Variants in LILRB1 observed in about 807,000 individuals in gnomAD.
LILRB1 encodes leukocyte immunoglobulin like receptor B1, also known as leukocyte immunoglobulin-like receptor subfamily B member 1.
In LILRB1, 59 loss-of-function variants were observed where a neutral mutation model predicts 74.6. That is an observed-to-expected ratio of 0.79 (90% CI 0.64 to 0.98). The LOEUF (loss-of-function observed/expected upper bound fraction) is 0.98, where lower values mean the gene tolerates loss of function less well. Among genes scored for constraint, LILRB1 ranks in the 50% least tolerant of loss-of-function variants. LILRB1 has a pLI of 0.00. For synonymous variants in LILRB1, 328 were observed against 333.9 expected (o/e 0.98, Z 0.19); for missense variants, 804 against 822.6 (o/e 0.98, Z 0.28).
Position 54,633,294 on chromosome 19 carries a change from G to A in LILRB1, c.1237G>A (p.Asp413Asn). 6.2e-7 allele frequency: 1 copy of A among 1,614,052 alleles called. No individual in the cohort carries two copies. Residue 413 changes from aspartate (D) to asparagine (N), a missense_variant, in exon 7 of 15, where the codon GAC (aspartate) becomes AAC (asparagine). Physicochemically the swap from Asp to Asn is conservative, Grantham distance 23. Coordinates refer to ENST00000324602, the MANE Select transcript of LILRB1 (RefSeq NM_001081637.3). ...SKPYLLTHPSDPLELVVSGPS... is the reference protein window; with the variant it reads ...SKPYLLTHPSNPLELVVSGPS... Reference sequence around the variant, plus strand: ...ACCCTACCTGCTGACTCACCCCAGTGACCCCCTGGAGCTCGTGGTCTCAGG... The same window carrying A: ...ACCCTACCTGCTGACTCACCCCAGTAACCCCCTGGAGCTCGTGGTCTCAGG...
chr19:54,619,686 A>T (rs1007711754), intron 1 of LILRB1, among the ~76,000 whole-genome samples: 2 of 152,114 alleles, frequency 1.3e-5, no homozygotes, highest in Non-Finnish European at 2.9e-5. Flanking sequence ...AGAAAAATGA[A>T]ATATCCTTTA....
Position 54,634,021 on chromosome 19 carries a change from G to A in LILRB1, c.1363G>A (p.Gly455Ser), listed in dbSNP as rs200980213. Residue 455 changes from glycine (G) to serine (S), a missense_variant and splice_region_variant, in exon 9 of 15, where the codon GGT (glycine) becomes AGT (serine). Coordinates refer to ENST00000324602, the MANE Select transcript of LILRB1 (RefSeq NM_001081637.3). ...LTPTGSDPQS[G>S]LGRHLGVVIG... is the part of the protein sequence containing the mutation. ...CCCCACCGGGTCGGATCCCCAGAGT[G>A]GTGAGTGACGGGCTCTGAGTGGGAG... 1.1e-5 allele frequency: 18 copies of A among 1,594,708 alleles called. 1 individual carries two copies. The South Asian group carries it at 1.1e-4, about 10-fold the overall frequency.
chr19:54,634,170 G>A (rs948362956), intron 9 of LILRB1, 149 bp downstream of exon 9: 94 of 1,511,438 alleles, frequency 6.2e-5, no homozygotes, highest in Non-Finnish European at 1.2e-5. Flanking sequence ...AAAGGTGAGA[G>A]GCCTGCGGGT....
chr19:54,633,334 C>T lies in LILRB1; in HGVS notation c.1261+16C>T, dbSNP rs1250497596. Reference sequence around the variant, plus strand: ...GTGGTCTCAGGTGGGGGCCTTGACCCTGTCCTCTCTGAGCTCAAAGTCTCA... The same window carrying T: ...GTGGTCTCAGGTGGGGGCCTTGACCTTGTCCTCTCTGAGCTCAAAGTCTCA... On this transcript the variant is annotated intron_variant, in intron 7 of 14. Coordinates refer to ENST00000324602, the MANE Select transcript of LILRB1 (RefSeq NM_001081637.3). The T allele has an allele frequency of 2.5e-6, 4 of 1,608,658 alleles. No homozygotes were observed. The highest frequency in any genetic ancestry group is 3.4e-6 in the Non-Finnish European group (4 of 1,176,694).
At chr19:54,622,731 G>C (rs767796439) in intron 1 of LILRB1, among the ~76,000 whole-genome samples, 11 of 152,120 alleles carry the variant, frequency 7.2e-5, no homozygotes, top group Non-Finnish European at 1.3e-4. Flanking sequence ...GGTGAGAGTG[G>C]ACATCCTTAT....
chr19:54,630,220 TC>T (rs1568575387), upstream of LILRB1, among the ~76,000 whole-genome samples: 1 of 131,880 alleles, frequency 7.6e-6, no homozygotes, highest in African/African-American at 2.9e-5. Context: ...TAAATATAAC[TC>T]CCCCCCAACT....
chr19:54,630,474 C>T (rs544786725), upstream of LILRB1: 2 of 397,252 alleles, frequency 5.0e-6, no homozygotes, highest in East Asian at 1.4e-4. Context: ...CTTTTCTTCC[C>T]TATTTCCCTG....
rs963774835 is a variant in LILRB1, at chr19:54,637,168, T to C, written c.*290T>C. 1.3e-5 allele frequency: 5 copies of C among 396,436 alleles called. No individual in the cohort carries two copies. The highest frequency in any genetic ancestry group is 1.0e-4 in the African/African-American group (5 of 49,606). 24.6% of individuals were successfully genotyped at this position (396,436 alleles called of 1,614,324 possible). Reference sequence around the variant, plus strand: ...ACATCAAGCGATGAAACTGGAAAACTACAAGCCACGAATGAATGAATTAGG... The same window carrying C: ...ACATCAAGCGATGAAACTGGAAAACCACAAGCCACGAATGAATGAATTAGG... On this transcript the variant is annotated 3_prime_UTR_variant, in exon 15 of 15. Transcript: ENST00000324602.
chr19:54,617,589 G>GTGT (rs58534340), intron 1 of LILRB1, among the ~76,000 whole-genome samples: 1 of 127,384 alleles, frequency 7.9e-6, no homozygotes, highest in Non-Finnish European at 1.7e-5. Context: ...GTGTGTGTGT[G>GTGT]GTGTGTGTGT....
intron 8 of LILRB1, 92 bp from the exon 9 acceptor site, chr19:54,633,879 G>A (rs1160219955): frequency 9.9e-6 from 15 of 1,515,060 alleles, no homozygotes; most frequent in Non-Finnish European, 1.2e-5. Context: ...TCAAGGCAGA[G>A]AGAAATGTTG....
At chr19:54,626,883 C>T (rs1181845981), upstream of LILRB1, among the ~76,000 whole-genome samples, 2 of 152,176 alleles carry the variant, frequency 1.3e-5, no homozygotes, top group South Asian at 2.1e-4. Flanking sequence ...GTGTTCTGTC[C>T]GGCATGGTGG....
Position 54,637,177 on chromosome 19 carries a change from C to A in LILRB1, c.*299C>A, listed in dbSNP as rs117672635. 5.4e-6 allele frequency: 2 copies of A among 371,090 alleles called. No homozygotes were observed. Among genetic ancestry groups the A allele is most frequent in the Non-Finnish European group, 9.7e-6 (2 of 207,006 alleles). The allele number at this position is 371,090 out of a possible 1,614,324, so 23.0% of individuals were successfully genotyped here. A position where few individuals can be genotyped will look rare whatever the true frequency, so the allele number is the denominator to read the frequency against. On this transcript the variant is annotated 3_prime_UTR_variant, in exon 15 of 15. Transcript: ENST00000324602. ...GATGAAACTGGAAAACTACAAGCCA[C>A]GAATGAATGAATTAGGAAAGAAAAA... is the stretch of plus-strand genomic sequence containing the variant.
At chr19:54,619,809 A>T (rs272417) in intron 1 of LILRB1, among the ~76,000 whole-genome samples, 7,244 of 151,976 alleles carry the variant, frequency 0.048, 248 homozygotes, top group Admixed American at 0.092. Context: ...TGTCTTTTTT[A>T]AAAAAAAGTA....
chr19:54,616,363 T>C (rs2063314171), upstream of LILRB1, among the ~76,000 whole-genome samples: 1 of 152,172 alleles, frequency 6.6e-6, no homozygotes, highest in African/African-American at 2.4e-5. Context: ...TCACTCATAT[T>C]TGGCTCAGAA....
chr19:54,636,671 A>T lies in LILRB1; in HGVS notation c.1812+19A>T. On this transcript the variant is annotated intron_variant, in intron 14 of 14. Transcript: ENST00000324602. The stretch of plus-strand genomic sequence containing the variant: ...CACTGAGGTGAGTCCTTTCCTCTCC[A>T]GGCCCCCAGGCCTCCCCCACCCCCA... The T allele has an allele frequency of 1.2e-6, 2 of 1,603,012 alleles. No individual in the cohort carries two copies. Among genetic ancestry groups the T allele is most frequent in the Non-Finnish European group, 1.7e-6 (2 of 1,174,732 alleles).
chr19:54,634,543 G>T, intron 9 of LILRB1, 98 bp from the exon 10 acceptor site: 2 of 1,518,510 alleles, frequency 1.3e-6, no homozygotes, highest in Admixed American at 2.0e-5. Flanking sequence ...CTGTTGTGGG[G>T]GTTGGAGGTG....
chr19:54,632,875 G>A, intron 6 of LILRB1, 115 bp downstream of exon 6: 3 of 1,331,266 alleles, frequency 2.3e-6, no homozygotes, highest in Non-Finnish European at 3.1e-6. Flanking sequence ...GGGAGAGACA[G>A]ACAGAGACAG....
intron 1 of LILRB1, among the ~76,000 whole-genome samples, chr19:54,623,965 A>G (rs1005229735): frequency 8.5e-5 from 13 of 152,146 alleles, no homozygotes; most frequent in African/African-American, 2.4e-4. Flanking sequence ...TGCAGCTCAA[A>G]TTGCAGGCCA....
rs2081658 is a variant in LILRB1 at position 54,634,030 on chromosome 19, C to G, written c.1363+9C>G. ...GTCGGATCCCCAGAGTGGTGAGTGACGGGCTCTGAGTGGGAGGTGGGCAGG... is the reference window on the plus strand; with the variant it reads ...GTCGGATCCCCAGAGTGGTGAGTGAGGGGCTCTGAGTGGGAGGTGGGCAGG... On this transcript the variant is annotated intron_variant, in intron 9 of 14. Transcript: ENST00000324602. 198,080 of 1,587,718 alleles carry G rather than the reference C, an allele frequency of 0.12. 15,970 individuals are homozygous for G. Among genetic ancestry groups the G allele is most frequent in the African/African-American group, 0.4 (29,655 of 74,254 alleles).
Sources: gnomAD v4.1 joint callset for allele counts (sites outside exome capture counted in the v4.1 genomes callset) on GRCh38, gnomAD v4.1.1 for gene constraint, MANE v1.5 for transcripts, NCBI Gene and HGNC (gene_info 2026-07-23, HGNC 2026-07-21) for gene names.